RALY: variants seen among roughly 807,000 people sequenced by gnomAD.
RALY encodes the protein RALY heterogeneous nuclear ribonucleoprotein, also known as RNA-binding protein Raly.
Under a neutral mutation model 30.7 loss-of-function variants are expected in RALY, and 15 were observed. That is an observed-to-expected ratio of 0.49 (90% CI 0.33 to 0.75). RALY has a LOEUF of 0.75. Ranked by LOEUF, RALY falls within the 30% of genes least tolerant of loss-of-function variation. The pLI, the probability that RALY is intolerant of heterozygous loss-of-function variation, is 0.02. For synonymous variants in RALY, 177 were observed against 170.8 expected, an observed-to-expected ratio of 1.04 and a Z score of -0.28; for missense variants, 339 against 414.3, an observed-to-expected ratio of 0.82 and a Z score of 1.58.
chr20:34,007,502 C>T (rs1406519942), intron 1 of RALY, among the ~76,000 whole-genome samples: 5 of 149,570 alleles, frequency 3.3e-5, no homozygotes, highest in Non-Finnish European at 7.4e-5. Context: ...GCCTTGGTGA[C>T]GGAGCGAGAC....
rs1240941625 is a variant in RALY at position 34,072,072 on chromosome 20, A to G, written c.-3A>G. On this transcript the variant is annotated 5_prime_UTR_variant, in exon 3 of 10. Transcript: ENST00000246194. ...CGAGGCTCTTTTTCTTCAGGTGGGC[A>G]CCATGTCCTTGAAGCTTCAGGCAAG... 2 of 1,613,880 alleles carry G rather than the reference A, an allele frequency of 1.2e-6. No individual in the cohort carries two copies. Among genetic ancestry groups the G allele is most frequent in the South Asian group, 1.1e-5 (1 of 91,080 alleles).
intron 1 of RALY, among the ~76,000 whole-genome samples, chr20:34,028,434 C>T (rs1039345812): frequency 3.3e-5 from 5 of 151,782 alleles, no homozygotes; most frequent in Admixed American, 6.6e-5. Flanking sequence ...ACCCACAAGC[C>T]GGAGATGTTT....
chr20:34,078,491 C>T lies in RALY; in HGVS notation c.877-14C>T, dbSNP rs1486241355. The T allele has an allele frequency of 6.3e-7, 1 of 1,576,016 alleles. No individual in the cohort carries two copies. Among genetic ancestry groups the T allele is most frequent in the African/African-American group, 1.4e-5 (1 of 73,304 alleles). Reference sequence around the variant, plus strand: ...ATGAGTGATGTGTGGTCTCTCTTACCTCCTCCCTATCAGGAACACAGCCAG... The same window carrying T: ...ATGAGTGATGTGTGGTCTCTCTTACTTCCTCCCTATCAGGAACACAGCCAG... On this transcript the variant is annotated splice_polypyrimidine_tract_variant and intron_variant, in intron 8 of 9. Transcript: ENST00000246194.
rs181616901 is a variant in RALY, at chr20:34,076,955, C to T, written c.659-73C>T. ...CACTCACCATGCTGAGGCCAGCTTCCGCTAAGGTGCTGCCCTAGACAGCTA... is the reference window on the plus strand; with the variant it reads ...CACTCACCATGCTGAGGCCAGCTTCTGCTAAGGTGCTGCCCTAGACAGCTA... On this transcript the variant is annotated intron_variant, in intron 7 of 9. Coordinates refer to ENST00000246194, the MANE Select transcript of RALY (RefSeq NM_016732.3). 223 of 1,606,616 alleles carry T rather than the reference C, an allele frequency of 1.4e-4. No individual in the cohort carries two copies. In the African/African-American group the frequency reaches 1.6e-3, roughly 11 times the overall value.
At position 34,015,830 on chromosome 20, in the gene RALY, T is replaced by C. The variant is rs377239332; in HGVS notation, c.-92-15692T>C. Among the ~76,000 whole-genome samples, 5 of 152,194 alleles carry C rather than the reference T, an allele frequency of 3.3e-5. No individual in the cohort carries two copies. The East Asian group carries it at 9.7e-4, about 29-fold the overall frequency. On this transcript the variant is annotated intron_variant, in intron 1 of 9. Coordinates refer to ENST00000246194, the MANE Select transcript of RALY (RefSeq NM_016732.3). Reference sequence around the variant, plus strand: ...CTTTTCCCCATCCCTACAGGCTCAATGCTTTGCAACATGTGCACACACACA... The same window carrying C: ...CTTTTCCCCATCCCTACAGGCTCAACGCTTTGCAACATGTGCACACACACA...
At chr20:34,003,049 A>G (rs535437065) in intron 1 of RALY, among the ~76,000 whole-genome samples, 2 of 152,274 alleles carry the variant, frequency 1.3e-5, no homozygotes, top group East Asian at 3.9e-4. Context: ...AAGGAGCCCT[A>G]GTAAATGGAA....
At chr20:33,997,644 T>G (rs748386518) in intron 1 of RALY, among the ~76,000 whole-genome samples, 4 of 152,140 alleles carry the variant, frequency 2.6e-5, no homozygotes, top group Non-Finnish European at 5.9e-5. Flanking sequence ...GGGATTAGCT[T>G]TTGGGTTCTT....
chr20:34,077,942 A>G (rs6059655), intron 8 of RALY, among the ~76,000 whole-genome samples: 145,599 of 152,348 alleles, frequency 0.96, 69,662 homozygotes, highest in East Asian at 1. Flanking sequence ...GCTGAGTGGC[A>G]TGCTCAGGGC....
At chr20:34,055,109 A>T (rs1201023124) in intron 2 of RALY, among the ~76,000 whole-genome samples, 5 of 152,156 alleles carry the variant, frequency 3.3e-5, no homozygotes, top group African/African-American at 9.7e-5. Context: ...TTTACCCAGG[A>T]TCATACAGCC....
At position 34,021,729 on chromosome 20, in the gene RALY, G is replaced by C. The variant is rs572605345; in HGVS notation, c.-92-9793G>C. Among the ~76,000 whole-genome samples, 6 of 152,122 alleles carry C rather than the reference G, an allele frequency of 3.9e-5. 1 individual carries two copies. In the South Asian group the frequency reaches 1.2e-3, roughly 32 times the overall value. On this transcript the variant is annotated intron_variant, in intron 1 of 9. Transcript: ENST00000246194. ...TGCCTTTATTAGCTGCGTGACCTTG[G>C]GCCAGTCACTTAACTCAGAAGTTCG...
chr20:34,006,685 T>C (rs538076965), intron 1 of RALY, among the ~76,000 whole-genome samples: 1 of 152,360 alleles, frequency 6.6e-6, no homozygotes, highest in Admixed American at 6.5e-5. Flanking sequence ...CTTATCATTA[T>C]GTTACAGTTG....
intron 2 of RALY, among the ~76,000 whole-genome samples, chr20:34,033,748 T>A (rs2032372548): frequency 6.6e-6 from 1 of 152,090 alleles, no homozygotes; most frequent in African/African-American, 2.4e-5. Flanking sequence ...GAGTCCACCA[T>A]CCAAAATATA....
intron 1 of RALY, among the ~76,000 whole-genome samples, chr20:34,029,637 C>G (rs1459849772): frequency 6.6e-6 from 1 of 151,934 alleles, no homozygotes; most frequent in Non-Finnish European, 1.5e-5. Flanking sequence ...TCTAAGTACC[C>G]CGGAGAATGG....
At chr20:34,027,678 A>C (rs1374271856) in intron 1 of RALY, among the ~76,000 whole-genome samples, 1 of 152,238 alleles carries the variant, frequency 6.6e-6, no homozygotes, top group Non-Finnish European at 1.5e-5. Flanking sequence ...CCCCTTATTC[A>C]GAGCTGTTTA....
At chr20:34,032,859 G>A (rs968115775) in intron 2 of RALY, among the ~76,000 whole-genome samples, 3 of 152,126 alleles carry the variant, frequency 2.0e-5, no homozygotes, top group Admixed American at 6.5e-5. Flanking sequence ...TAAAGTTCAA[G>A]AAGGCCTACT....
intron 1 of RALY, among the ~76,000 whole-genome samples, chr20:34,012,331 G>C (rs1356540336): frequency 6.6e-6 from 1 of 152,182 alleles, no homozygotes; most frequent in African/African-American, 2.4e-5. Flanking sequence ...TCTGTCACTA[G>C]CATCAGATTG....
Position 34,083,846 on chromosome 20 carries a change from T to G in RALY, c.*3941T>G, listed in dbSNP as rs1229676973. On this transcript the variant is annotated 3_prime_UTR_variant, in exon 10 of 10. Coordinates refer to ENST00000246194, the MANE Select transcript of RALY (RefSeq NM_016732.3). ...AGAGCAAAAGATTCTGAGCCAGGCATCCTTGGTTTTCATCCCAACCAGATC... is the reference window on the plus strand; with the variant it reads ...AGAGCAAAAGATTCTGAGCCAGGCAGCCTTGGTTTTCATCCCAACCAGATC... 3 of 152,248 alleles carry G rather than the reference T, an allele frequency of 2.0e-5. No homozygotes were observed. The highest frequency in any genetic ancestry group is 4.4e-5 in the Non-Finnish European group (3 of 68,048). The allele number at this position is 152,248 out of a possible 1,614,324, so 9.4% of individuals were successfully genotyped here. A position where few individuals can be genotyped will look rare whatever the true frequency, so the allele number is the denominator to read the frequency against.
At chr20:34,015,205 C>T (rs1268274476) in intron 1 of RALY, 1 of 152,122 alleles carries the variant, frequency 6.6e-6, no homozygotes, top group Non-Finnish European at 1.5e-5. Context: ...GAATTTCTGC[C>T]AAATGTGTGC....
chr20:34,036,506 T>C (rs2032501681), intron 2 of RALY, among the ~76,000 whole-genome samples: 1 of 152,232 alleles, frequency 6.6e-6, no homozygotes, highest in Non-Finnish European at 1.5e-5. Context: ...TCTGTAGTTT[T>C]CTTAGGTCTT....
Sources: allele counts gnomAD v4.1 joint callset (sites outside exome capture counted in the v4.1 genomes callset), GRCh38; gene constraint gnomAD v4.1.1; transcripts MANE v1.5; gene names NCBI Gene and HGNC (gene_info 2026-07-23, HGNC 2026-07-21).